Variants in CIB1 observed in about 807,000 individuals in gnomAD.
The protein encoded by CIB1 is calcium and integrin-binding protein 1.
A neutral mutation model predicts 25.0 loss-of-function variants in CIB1; 19 were observed. The observed-to-expected ratio is 0.76, with a 90% confidence interval of 0.53 to 1.12. The LOEUF is 1.12. Ranked by LOEUF, CIB1 falls within the 50% of genes most tolerant of loss-of-function variation. CIB1 has a pLI of 0.00. For synonymous variants in CIB1, 104 were observed against 98.5 expected, an observed-to-expected ratio of 1.06 and a Z score of -0.33; for missense variants, 236 against 242.6, an observed-to-expected ratio of 0.97 and a Z score of 0.18.
the CIB1 span, chr15:90,258,969 C>T: frequency 6.2e-7 from 1 of 1,613,678 alleles, no homozygotes. Flanking sequence ...TTCATTATTC[C>T]TGAGAGTAAA....
chr15:90,256,617 CCT>C, the CIB1 span, among the ~76,000 whole-genome samples: 1 of 57,816 alleles, frequency 1.7e-5, no homozygotes, highest in African/African-American at 8.2e-5. Context: ...TTCCTTCCTT[CCT>C]TCCTTCCTTC....
chr15:90,241,859 G>A, the CIB1 span: 2 of 1,614,192 alleles, frequency 1.2e-6, no homozygotes, highest in Non-Finnish European at 1.7e-6. Flanking sequence ...GGGCCCGGAA[G>A]TCCAGCTTTG....
At chr15:90,263,182 A>G in the CIB1 span, 1 of 1,483,898 alleles carries the variant, frequency 6.7e-7, no homozygotes, top group East Asian at 2.5e-5. Flanking sequence ...AGGAAAAGGG[A>G]ACAAGGGCTG....
upstream of CIB1, among the ~76,000 whole-genome samples, chr15:90,238,297 C>G (rs936715373): frequency 6.6e-6 from 1 of 151,972 alleles, no homozygotes; most frequent in Non-Finnish European, 1.5e-5. Flanking sequence ...GAGATTCTGT[C>G]TTTAAAAAAA....
rs893423761 is a variant in CIB1 at position 90,231,208 on chromosome 15, CAA to C, written c.350_351del (p.Phe117Ter). 3.8e-6 allele frequency: 6 copies of C among 1,574,256 alleles called. No individual in the cohort carries two copies. The African/African-American group carries it at 9.0e-5, about 23-fold the overall frequency. On this transcript the variant is annotated frameshift_variant, in exon 5 of 7. Transcript: ENST00000328649. LOFTEE classifies it high-confidence loss of function. ...TCTCTGTTCAAGGTTCCGTCATCAT[CAA>C]AGTCTAGAGAGCAGACACAGGAAGC... is the stretch of plus-strand genomic sequence containing the variant. ...KSHYAFRIFD[F>X]DDDGTLNRED... is the part of the protein sequence containing the mutation.
the CIB1 span, chr15:90,251,722 G>A: frequency 1.1e-6 from 1 of 918,462 alleles, no homozygotes; most frequent in East Asian, 2.6e-5. Flanking sequence ...CCTCTAACCT[G>A]TACTGAGCTT....
the CIB1 span, among the ~76,000 whole-genome samples, chr15:90,249,014 TC>T: frequency 2.5e-4 from 38 of 152,004 alleles, no homozygotes; most frequent in African/African-American, 8.2e-4. Flanking sequence ...TGGCTGTCAC[TC>T]TTGAATGCAT....
the CIB1 span, among the ~76,000 whole-genome samples, chr15:90,253,083 A>G: frequency 6.6e-6 from 1 of 152,198 alleles, no homozygotes; most frequent in Non-Finnish European, 1.5e-5. Context: ...GCCCCTAAGA[A>G]CTTGAAATTG....
chr15:90,256,614 CTTCCTTCCTTCCTTCCTTCCTTCCTTCT>C, the CIB1 span, among the ~76,000 whole-genome samples: 38 of 42,856 alleles, frequency 8.9e-4, no homozygotes, highest in Non-Finnish European at 1.3e-3. Context: ...TCTTTCCTTC[CTTCCTTCCTTCCTTCCTTCCTTCCTTCT>C]TTCTTTCTCC....
chr15:90,257,386 T>C, the CIB1 span: 1 of 1,467,202 alleles, frequency 6.8e-7, no homozygotes, highest in Non-Finnish European at 9.1e-7. Context: ...GAACAAGGAA[T>C]GAAGCCAGCA....
At chr15:90,233,549 C>A in intron 2 of CIB1, 120 bp downstream of exon 2, 1 of 1,305,866 alleles carries the variant, frequency 7.7e-7, no homozygotes, top group Non-Finnish European at 1.1e-6. Flanking sequence ...GTCTCCCGGC[C>A]TCCAGCTCCC....
intron 6 of CIB1, 139 bp from the exon 7 acceptor site, chr15:90,230,644 C>T (rs1026941052): frequency 1.6e-5 from 15 of 909,614 alleles, no homozygotes; most frequent in Non-Finnish European, 2.3e-5. Flanking sequence ...AAGAACTCCC[C>T]GAGACATCCA....
At chr15:90,250,658 G>A in the CIB1 span, 12 of 1,614,100 alleles carry the variant, frequency 7.4e-6, no homozygotes, top group Non-Finnish European at 1.0e-5. Context: ...TAGGACCATG[G>A]AATCAGAGGA....
the CIB1 span, chr15:90,251,445 T>G: frequency 8.5e-7 from 1 of 1,179,104 alleles, no homozygotes; most frequent in Non-Finnish European, 1.3e-6. Flanking sequence ...GTCTTTTAAG[T>G]GGCTTCTAGA....
At chr15:90,251,503 A>G in the CIB1 span, 1 of 1,530,870 alleles carries the variant, frequency 6.5e-7, no homozygotes, top group Non-Finnish European at 9.0e-7. Flanking sequence ...TCATCTGAGT[A>G]CCTGTCCTTC....
chr15:90,260,358 G>A, the CIB1 span, among the ~76,000 whole-genome samples: 3 of 152,072 alleles, frequency 2.0e-5, no homozygotes, highest in Non-Finnish European at 4.4e-5. Flanking sequence ...TTAGCCAAGC[G>A]TAATGGTGCG....
At chr15:90,247,594 C>T in the CIB1 span, among the ~76,000 whole-genome samples, 1 of 151,616 alleles carries the variant, frequency 6.6e-6, no homozygotes, top group Non-Finnish European at 1.5e-5. Flanking sequence ...TTTGATGAAA[C>T]CTCAGATGCA....
chr15:90,237,283 CTT>C (rs35595704), upstream of CIB1, among the ~76,000 whole-genome samples: 6 of 113,224 alleles, frequency 5.3e-5, no homozygotes, highest in Admixed American at 1.1e-4. Flanking sequence ...CTTTTTTTCC[CTT>C]TTTTTTTTTT....
At chr15:90,252,069 T>C in the CIB1 span, among the ~76,000 whole-genome samples, 1 of 129,920 alleles carries the variant, frequency 7.7e-6, no homozygotes, top group African/African-American at 2.7e-5. Context: ...GACCGAGTTT[T>C]GCTCTTGTTG....
Sources: gnomAD v4.1 joint callset for allele counts (sites outside exome capture counted in the v4.1 genomes callset) on GRCh38, gnomAD v4.1.1 for gene constraint, MANE v1.5 for transcripts, NCBI Gene and HGNC (gene_info 2026-07-23, HGNC 2026-07-21) for gene names.